Variants in CACNA1B observed in about 807,000 individuals in gnomAD.
The protein encoded by CACNA1B is calcium voltage-gated channel subunit alpha1 B, also known as voltage-dependent N-type calcium channel subunit alpha-1B.
A neutral mutation model predicts 247.2 loss-of-function variants in CACNA1B; 70 were observed. The observed-to-expected ratio is 0.28, with a 90% CI of 0.23 to 0.35. The LOEUF is 0.35. Among genes scored for constraint, CACNA1B ranks in the 10% least tolerant of loss-of-function variants. The pLI is 1.00. For missense variants in CACNA1B, 2,367 were observed against 3,197.4 expected (o/e 0.74, Z 6.26); for synonymous variants, 1,231 against 1,294.4 (o/e 0.95, Z 1.05).
chr9:138,069,401 G>A (rs1259762413), intron 31 of CACNA1B, among the ~76,000 whole-genome samples: 1 of 152,072 alleles, frequency 6.6e-6, no homozygotes, highest in Non-Finnish European at 1.5e-5. Context: ...AGTCATCTTT[G>A]GATTTGCATT....
intron 40 of CACNA1B, among the ~76,000 whole-genome samples, chr9:138,114,124 C>T (rs531940546): frequency 1.3e-5 from 2 of 152,284 alleles, no homozygotes; most frequent in East Asian, 1.9e-4. Context: ...GGCCTCAGCC[C>T]GGTCTTGAGA....
chr9:137,963,771 G>A (rs1046570835), intron 10 of CACNA1B, among the ~76,000 whole-genome samples: 4 of 152,160 alleles, frequency 2.6e-5, no homozygotes, highest in African/African-American at 7.2e-5. Flanking sequence ...GAGTTTTTAT[G>A]TAGTTTCTTC....
At chr9:137,893,583 G>A (rs545351990) in intron 3 of CACNA1B, among the ~76,000 whole-genome samples, 355 of 151,320 alleles carry the variant, frequency 2.3e-3, no homozygotes, top group South Asian at 0.015. Flanking sequence ...CCCAGGAGGC[G>A]AAGCTTGCAG....
Position 138,087,862 on chromosome 9 carries a change from G to A in CACNA1B, c.5095-8622G>A, listed in dbSNP as rs987755789. Reference sequence around the variant, plus strand: ...AGCATGCCAAAACTTATGGGATACAGTAAAAGCAGTATGAAATGGGAATTT... The same window carrying A: ...AGCATGCCAAAACTTATGGGATACAATAAAAGCAGTATGAAATGGGAATTT... On this transcript the variant is annotated intron_variant, in intron 36 of 46. Transcript: ENST00000371372. 5.9e-5 allele frequency among the ~76,000 whole-genome samples: 9 copies of A among 152,094 alleles called. No individual in the cohort carries two copies. In the East Asian group the frequency reaches 1.5e-3, roughly 26 times the overall value.
chr9:137,996,934 G>A (rs117229770), intron 15 of CACNA1B, among the ~76,000 whole-genome samples: 4,054 of 151,924 alleles, frequency 0.027, 78 homozygotes, highest in South Asian at 0.071. Flanking sequence ...GCATCTGGGG[G>A]AAACCATCAT....
At chr9:138,066,529 C>T (rs1381209128) in intron 31 of CACNA1B, among the ~76,000 whole-genome samples, 3 of 151,958 alleles carry the variant, frequency 2.0e-5, no homozygotes, top group African/African-American at 7.3e-5. Flanking sequence ...TGCTGTGGGG[C>T]GTGAAAGTGC....
At chr9:137,989,113 T>C (rs1589051498) in intron 15 of CACNA1B, among the ~76,000 whole-genome samples, 1 of 151,776 alleles carries the variant, frequency 6.6e-6, no homozygotes. Flanking sequence ...GAAAAGGAAA[T>C]AACAGAACAA....
chr9:138,089,156 GAGA>G (rs1484657912), intron 36 of CACNA1B, among the ~76,000 whole-genome samples: 6 of 151,730 alleles, frequency 4.0e-5, no homozygotes, highest in Admixed American at 3.9e-4. Flanking sequence ...ATAAAAACCA[GAGA>G]AGGACACAGC....
At chr9:138,091,752 A>C in intron 36 of CACNA1B, among the ~76,000 whole-genome samples, 1 of 152,364 alleles carries the variant, frequency 6.6e-6, no homozygotes. Flanking sequence ...AAAGGGATTG[A>C]ATTTAAAAAA....
At chr9:137,975,197 C>A (rs1320442191) in intron 11 of CACNA1B, among the ~76,000 whole-genome samples, 4 of 152,164 alleles carry the variant, frequency 2.6e-5, no homozygotes, top group Admixed American at 2.0e-4. Context: ...GAAGGGTCAG[C>A]AGGACTTCTG....
chr9:137,956,200 T>A (rs1378411358), intron 8 of CACNA1B, among the ~76,000 whole-genome samples: 19 of 152,226 alleles, frequency 1.2e-4, no homozygotes, highest in Non-Finnish European at 4.4e-5. Flanking sequence ...GTTTCCCAAG[T>A]GCCTCTTCAG....
Position 138,023,145 on chromosome 9 carries a change from C to A in CACNA1B, c.2402C>A (p.Thr801Asn). 1 of 1,536,624 alleles carries A rather than the reference C, an allele frequency of 6.5e-7. No homozygotes were observed. The highest frequency in any genetic ancestry group is 1.9e-5 in the Admixed American group (1 of 51,506). ...CCCGAGGAGCGGCTGCGCTTCGCCACTACGCGCCACCTGCGGCCCGACATG... is the reference window on the plus strand; with the variant it reads ...CCCGAGGAGCGGCTGCGCTTCGCCAATACGCGCCACCTGCGGCCCGACATG... The part of the protein sequence containing the change: ...MDPEERLRFA[T>N]TRHLRPDMKT... Residue 801 changes from threonine to asparagine, a missense_variant, in exon 19 of 47, where the codon ACT becomes AAT. Physicochemically the swap from Thr to Asn is moderately conservative, Grantham distance 65. Transcript: ENST00000371372.
chr9:137,892,492 C>T, intron 3 of CACNA1B: 5 of 388,106 alleles, frequency 1.3e-5, no homozygotes, highest in South Asian at 9.5e-5. Flanking sequence ...CGCCATAGTT[C>T]TCCCCCTTTC....
At chr9:137,901,938 G>A (rs972346480) in intron 3 of CACNA1B, among the ~76,000 whole-genome samples, 13 of 152,174 alleles carry the variant, frequency 8.5e-5, no homozygotes, top group Admixed American at 7.8e-4. Flanking sequence ...TGATCCACCC[G>A]CCTCGACCTC....
intron 6 of CACNA1B, among the ~76,000 whole-genome samples, chr9:137,939,552 C>A (rs1002858237): frequency 6.6e-6 from 1 of 152,046 alleles, no homozygotes; most frequent in Non-Finnish European, 1.5e-5. Context: ...GTAATCCCAG[C>A]ACTTTGGGAG....
Position 137,974,175 on chromosome 9 carries a change from C to T in CACNA1B, c.1544-1732C>T, listed in dbSNP as rs866552769. On this transcript the variant is annotated intron_variant, in intron 11 of 46. Coordinates refer to ENST00000371372, the MANE Select transcript of CACNA1B (RefSeq NM_000718.4). This position sits in a 1 kb window ranked among gnomAD's most constrained non-coding sequence, Gnocchi z 4.5. ...CTGGACTGCAGGGGTCACGGCTTTC[C>T]TGCCACATCTCACACCTGGTGGTCT... Among the ~76,000 whole-genome samples, 7 of 152,182 alleles carry T rather than the reference C, an allele frequency of 4.6e-5. No individual in the cohort carries two copies. The highest frequency in any genetic ancestry group is 3.2e-3 in the Middle Eastern group (1 of 316).
chr9:137,920,667 T>C (rs1957467207), intron 6 of CACNA1B, among the ~76,000 whole-genome samples: 1 of 152,200 alleles, frequency 6.6e-6, no homozygotes, highest in African/African-American at 2.4e-5. Flanking sequence ...TGGAGGTAAA[T>C]CATGTTGCTT....
intron 3 of CACNA1B, among the ~76,000 whole-genome samples, chr9:137,909,636 G>A (rs1352993493): frequency 2.6e-5 from 4 of 152,142 alleles, no homozygotes; most frequent in East Asian, 1.9e-4. Context: ...CCCCTCTTCC[G>A]GTTATTGTGA....
intron 6 of CACNA1B, among the ~76,000 whole-genome samples, chr9:137,936,966 CT>C (rs1289132166): frequency 1.3e-5 from 2 of 152,074 alleles, no homozygotes; most frequent in African/African-American, 4.8e-5. Context: ...AATGTGGGCT[CT>C]TTTTTTGGTT....
Sources: allele counts gnomAD v4.1 joint callset (sites outside exome capture counted in the v4.1 genomes callset), GRCh38; gene constraint gnomAD v4.1.1; non-coding constraint Gnocchi (gnomAD v3.1); transcripts MANE v1.5; gene names NCBI Gene and HGNC (gene_info 2026-07-23, HGNC 2026-07-21).